The following RAD51B variants were observed in gnomAD, a reference collection of about 807,000 sequenced individuals.
RAD51B encodes the protein DNA repair protein RAD51 homolog 2.
RAD51B carries 38 observed loss-of-function variants against 42.2 expected under a neutral mutation model. The observed-to-expected ratio is 0.90, with a 90% CI of 0.70 to 1.18. The LOEUF is 1.18. Among genes scored for constraint, RAD51B ranks in the 50% most tolerant of loss-of-function variants. RAD51B has a pLI of 0.00. For missense variants in RAD51B, 373 were observed against 400.7 expected (o/e 0.93, Z 0.59); for synonymous variants, 154 against 145.2 (o/e 1.06, Z -0.43).
chr14:68,642,295 T>G (rs894625392), intron 10 of RAD51B, among the ~76,000 whole-genome samples: 1 of 152,250 alleles, frequency 6.6e-6, no homozygotes, highest in Non-Finnish European at 1.5e-5. Context: ...GATATAGACC[T>G]ATTCAGATTG....
At chr14:68,141,263 T>TA (rs2078122110) in intron 7 of RAD51B, among the ~76,000 whole-genome samples, 1 of 152,224 alleles carries the variant, frequency 6.6e-6, no homozygotes, top group African/African-American at 2.4e-5. Context: ...GTGTTAGTTT[T>TA]AAATGAATTA....
At chr14:68,319,541 A>T (rs751657181) in intron 8 of RAD51B, among the ~76,000 whole-genome samples, 1 of 152,216 alleles carries the variant, frequency 6.6e-6, no homozygotes, top group Non-Finnish European at 1.5e-5. Flanking sequence ...AAGTGAAAGG[A>T]GTCCTTTCTC....
At chr14:68,212,526 T>TA (rs914671118) in intron 7 of RAD51B, among the ~76,000 whole-genome samples, 8 of 152,336 alleles carry the variant, frequency 5.3e-5, no homozygotes, top group African/African-American at 1.7e-4. Context: ...AGAACCCTCC[T>TA]AACTCACTAC....
intron 7 of RAD51B, among the ~76,000 whole-genome samples, chr14:68,117,550 T>G (rs1346042043): frequency 1.3e-5 from 2 of 152,194 alleles, no homozygotes; most frequent in African/African-American, 4.8e-5. Context: ...AGCAAATTTC[T>G]GCTAAAAAGT....
At chr14:68,258,059 A>G (rs2080791761) in intron 7 of RAD51B, among the ~76,000 whole-genome samples, 2 of 152,238 alleles carry the variant, frequency 1.3e-5, no homozygotes, top group African/African-American at 4.8e-5. Flanking sequence ...ATTACTAATC[A>G]CCTTCTAATG....
chr14:68,274,165 A>G (rs1000453653), intron 7 of RAD51B, among the ~76,000 whole-genome samples: 7 of 152,090 alleles, frequency 4.6e-5, no homozygotes, highest in African/African-American at 1.7e-4. Flanking sequence ...CATGTTTTCT[A>G]TGGACGATGA....
At chr14:68,531,207 A>C (rs1167838873) in intron 10 of RAD51B, among the ~76,000 whole-genome samples, 1 of 152,044 alleles carries the variant, frequency 6.6e-6, no homozygotes, top group Non-Finnish European at 1.5e-5. Flanking sequence ...ACCTAAGAGA[A>C]GATAAGAAAG....
At chr14:68,087,074 G>A (rs542784799) in intron 7 of RAD51B, among the ~76,000 whole-genome samples, 1 of 151,762 alleles carries the variant, frequency 6.6e-6, no homozygotes, top group South Asian at 2.1e-4. Context: ...GGTGGAGGTT[G>A]CAGTGAGCCA....
chr14:68,533,863 TA>T (rs912973693), intron 10 of RAD51B, among the ~76,000 whole-genome samples: 1 of 152,202 alleles, frequency 6.6e-6, no homozygotes, highest in African/African-American at 2.4e-5. Flanking sequence ...TGTTTCAGCC[TA>T]AGCCAGTAGC....
At chr14:68,661,544 C>G (rs1386154145) in intron 11 of RAD51B, among the ~76,000 whole-genome samples, 1 of 152,158 alleles carries the variant, frequency 6.6e-6, no homozygotes, top group African/African-American at 2.4e-5. Context: ...TCCATAGATT[C>G]CCAAAGGTCA....
At chr14:68,031,435 T>C (rs978846116) in intron 7 of RAD51B, among the ~76,000 whole-genome samples, 13 of 152,162 alleles carry the variant, frequency 8.5e-5, no homozygotes, top group East Asian at 1.9e-4. Flanking sequence ...AGATCACTGA[T>C]CTTAAATCAC....
At chr14:68,307,175 T>G (rs919810255) in intron 8 of RAD51B, among the ~76,000 whole-genome samples, 1 of 151,930 alleles carries the variant, frequency 6.6e-6, no homozygotes, top group African/African-American at 2.4e-5. Flanking sequence ...ACCAAGCCCC[T>G]AGGCCCTGAT....
Position 68,051,219 on chromosome 14 carries a change from A to C in RAD51B, c.756+164015A>C, listed in dbSNP as rs572450562. On this transcript the variant is annotated intron_variant, in intron 7 of 10. Coordinates refer to ENST00000471583, the MANE Select transcript of RAD51B (RefSeq NM_133510.4). ...GAAAAATTAATATTTGAAAAGAACC[A>C]AGAAGTTCATGAAAAAGATTATCTA... Among the ~76,000 whole-genome samples, 7 of 152,164 alleles carry C rather than the reference A, an allele frequency of 4.6e-5. No individual in the cohort carries two copies. In the South Asian group the frequency reaches 1.5e-3, roughly 32 times the overall value.
chr14:68,331,247 A>G (rs1463186487), intron 8 of RAD51B, among the ~76,000 whole-genome samples: 1 of 151,344 alleles, frequency 6.6e-6, no homozygotes, highest in Non-Finnish European at 1.5e-5. Flanking sequence ...CTATAATCCT[A>G]GCTACTCGGG....
In RAD51B at chr14:68,031,345, C is replaced by T. The variant is rs139755389; in HGVS notation, c.756+144141C>T. Among the ~76,000 whole-genome samples the T allele has an allele frequency of 1.6e-3, 250 of 152,282 alleles. 6 individuals carry two copies. In the East Asian group the frequency reaches 0.041, roughly 25 times the overall value. Reference sequence around the variant, plus strand: ...ATGATTCAATTATTTCCACCTGGCCCTGCCCTTGATACCTGGGGATGATTA... The same window carrying T: ...ATGATTCAATTATTTCCACCTGGCCTTGCCCTTGATACCTGGGGATGATTA... On this transcript the variant is annotated intron_variant, in intron 7 of 10. Transcript: ENST00000471583.
At chr14:68,602,507 T>C (rs1891261769) in intron 10 of RAD51B, among the ~76,000 whole-genome samples, 2 of 144,426 alleles carry the variant, frequency 1.4e-5, no homozygotes, top group South Asian at 4.4e-4. Context: ...GATGGATAGC[T>C]AGATAGATAG....
chr14:68,487,244 C>A (rs191798084), intron 10 of RAD51B, among the ~76,000 whole-genome samples: 127 of 152,336 alleles, frequency 8.3e-4, no homozygotes, highest in African/African-American at 2.9e-3. Context: ...CCTTGTCTTG[C>A]AGGTGGACGT....
intron 7 of RAD51B, among the ~76,000 whole-genome samples, chr14:68,106,287 T>TAA (rs148291754): frequency 1.3e-5 from 2 of 151,798 alleles, no homozygotes; most frequent in African/African-American, 4.8e-5. Context: ...GTTTCTTACT[T>TAA]AAAAAAATGA....
intron 7 of RAD51B, among the ~76,000 whole-genome samples, chr14:68,216,276 C>T (rs2079812707): frequency 6.6e-6 from 1 of 152,158 alleles, no homozygotes; most frequent in Non-Finnish European, 1.5e-5. Context: ...CTGGAGATAA[C>T]ACTTGACTCA....
Sources: gnomAD v4.1 joint callset for allele counts (sites outside exome capture counted in the v4.1 genomes callset) on GRCh38, gnomAD v4.1.1 for gene constraint, MANE v1.5 for transcripts, NCBI Gene and HGNC (gene_info 2026-07-23, HGNC 2026-07-21) for gene names.